LRRK1: variants seen among roughly 807,000 people sequenced by gnomAD.
LRRK1 encodes leucine rich repeat kinase 1, also known as leucine-rich repeat serine/threonine-protein kinase 1.
Under a neutral mutation model 209.1 loss-of-function variants are expected in LRRK1, and 113 were observed. That is an observed-to-expected ratio of 0.54 (90% CI 0.46 to 0.63). LRRK1 has a LOEUF of 0.63. Among genes scored for constraint, LRRK1 ranks in the 30% least tolerant of loss-of-function variants. The pLI is 0.00. For missense variants in LRRK1, 2,284 were observed against 2,632.2 expected (o/e 0.87, Z 2.89); for synonymous variants, 1,144 against 1,099.7 (o/e 1.04, Z -0.80).
At position 100,986,460 on chromosome 15, in the gene LRRK1, A is replaced by G. The variant is rs1474856914; in HGVS notation, c.434-2174A>G. On this transcript the variant is annotated intron_variant, in intron 4 of 33. Coordinates refer to ENST00000388948, the MANE Select transcript of LRRK1 (RefSeq NM_024652.6). ...GCAAGGTTTAAGTCTTGACCTTGCTATTTACTAACTGTGGGACCTTCAAGA... is the reference window on the plus strand; with the variant it reads ...GCAAGGTTTAAGTCTTGACCTTGCTGTTTACTAACTGTGGGACCTTCAAGA... 2.6e-5 allele frequency among the ~76,000 whole-genome samples: 4 copies of G among 152,272 alleles called. 1 individual carries two copies. The highest frequency in any genetic ancestry group is 3.4e-3 in the Middle Eastern group (1 of 294).
At position 101,021,070 on chromosome 15, in the gene LRRK1, C is replaced by T. The variant is rs55798315; in HGVS notation, c.1627C>T (p.Pro543Ser). 4.2e-3 allele frequency: 6,860 copies of T among 1,614,188 alleles called. 16 individuals carry two copies. Among genetic ancestry groups the T allele is most frequent in the Middle Eastern group, 0.023 (141 of 6,056 alleles). Residue 543 changes from proline to serine, a missense_variant, in exon 13 of 34, where the codon CCG (proline) becomes TCG (serine). Pro to Ser is a moderately conservative substitution (Grantham distance 74). Transcript: ENST00000388948. ...GTEAASVLEFPAFLSESLEVL... is the reference protein window; with the variant it reads ...GTEAASVLEFSAFLSESLEVL... The stretch of plus-strand genomic sequence containing the variant: ...CTTTGCAGCAAGTGTGCTGGAATTT[C>T]CGGCCTTCCTAAGTGAGTCTTTGGA...
At chr15:101,066,297 A>T in intron 32 of LRRK1, 92 bp downstream of exon 32, 1 of 1,470,234 alleles carries the variant, frequency 6.8e-7, no homozygotes. Context: ...GCTTCCTTAC[A>T]GGTCATGTGG....
At chr15:101,019,123 A>G (rs1038871199) in intron 12 of LRRK1, among the ~76,000 whole-genome samples, 1 of 152,198 alleles carries the variant, frequency 6.6e-6, no homozygotes, top group Admixed American at 6.5e-5. Flanking sequence ...CTCAGTGCCC[A>G]TCGTTTTCAA....
chr15:100,977,401 A>G (rs1359841465), intron 3 of LRRK1, among the ~76,000 whole-genome samples: 1 of 152,082 alleles, frequency 6.6e-6, no homozygotes, highest in Admixed American at 6.6e-5. Context: ...CAGGCACCCC[A>G]ATCATCCCCA....
At chr15:100,932,984 C>G (rs912324556) in intron 2 of LRRK1, among the ~76,000 whole-genome samples, 10 of 152,178 alleles carry the variant, frequency 6.6e-5, no homozygotes, top group Non-Finnish European at 1.3e-4. Context: ...AGAATCACCC[C>G]CTTCCCTGCT....
At chr15:100,952,608 G>GGA (rs1321430537) in intron 2 of LRRK1, among the ~76,000 whole-genome samples, 1 of 152,062 alleles carries the variant, frequency 6.6e-6, no homozygotes, top group African/African-American at 2.4e-5. Flanking sequence ...TCTTTGTGGG[G>GGA]CCCTTCTCAC....
rs371886622 is a variant in LRRK1 at position 100,945,476 on chromosome 15, G to T, written c.97+20747G>T. 1.1e-3 allele frequency among the ~76,000 whole-genome samples: 146 copies of T among 137,228 alleles called. 3 individuals are homozygous for T. Among genetic ancestry groups the T allele is most frequent in the African/African-American group, 3.8e-3 (143 of 37,494 alleles). The allele number at this position is 137,228 out of a possible 152,430, so 90.0% of individuals were successfully genotyped here. ...TACTTTTTTAAAAACTATCTCTGCA[G>T]AGCCTCTTTTTTTTTTTTTTTTTTT... On this transcript the variant is annotated intron_variant, in intron 2 of 33. Coordinates refer to ENST00000388948, the MANE Select transcript of LRRK1 (RefSeq NM_024652.6).
intron 2 of LRRK1, among the ~76,000 whole-genome samples, chr15:100,949,084 G>A (rs1283859310): frequency 6.6e-6 from 1 of 152,066 alleles, no homozygotes; most frequent in Non-Finnish European, 1.5e-5. Flanking sequence ...GAAATCAAAA[G>A]TTAGTTCTTT....
chr15:101,057,669 G>A (rs1326631018), intron 28 of LRRK1, among the ~76,000 whole-genome samples: 1 of 151,946 alleles, frequency 6.6e-6, no homozygotes, highest in Non-Finnish European at 1.5e-5. Flanking sequence ...CGCCCTGATC[G>A]CACCTGTGAG....
intron 4 of LRRK1, among the ~76,000 whole-genome samples, chr15:100,987,206 C>A (rs2168376): frequency 6.6e-6 from 1 of 151,706 alleles, no homozygotes; most frequent in South Asian, 2.1e-4. Context: ...AATACAGGGC[C>A]ATCCTGACCC....
chr15:100,999,496 G>A (rs1282472926), intron 6 of LRRK1, among the ~76,000 whole-genome samples: 5 of 152,158 alleles, frequency 3.3e-5, no homozygotes, highest in Admixed American at 3.3e-4. Flanking sequence ...TTTAGTTGTA[G>A]CTGATTAAAT....
chr15:100,934,817 A>C (rs2141601840), intron 2 of LRRK1, among the ~76,000 whole-genome samples: 1 of 151,376 alleles, frequency 6.6e-6, no homozygotes, highest in South Asian at 2.1e-4. Flanking sequence ...AAAAAAAAAA[A>C]AAAAAGGAAG....
intron 6 of LRRK1, among the ~76,000 whole-genome samples, chr15:101,000,617 T>C (rs542712314): frequency 6.6e-6 from 1 of 152,212 alleles, no homozygotes; most frequent in African/African-American, 2.4e-5. Flanking sequence ...TGCTGGGGAC[T>C]GCTGGTGGTC....
At position 101,027,419 on chromosome 15, in the gene LRRK1, T is replaced by C. The variant is rs989155517; in HGVS notation, c.2526+38T>C. On this transcript the variant is annotated intron_variant, in intron 18 of 33. Transcript: ENST00000388948. This position sits in a 1 kb window ranked among gnomAD's most constrained non-coding sequence, Gnocchi z 5.1. ...CTGGTCCAGTTTAAACCAGTCTGCC[T>C]GCTTCCCATTGTTGGGGGTCCTCAC... is the stretch of plus-strand genomic sequence containing the variant. The C allele has an allele frequency of 1.3e-5, 20 of 1,599,992 alleles. No individual in the cohort carries two copies. Among genetic ancestry groups the C allele is most frequent in the Non-Finnish European group, 1.6e-5 (19 of 1,173,050 alleles).
chr15:101,064,060 C>T (rs749731367), intron 31 of LRRK1, among the ~76,000 whole-genome samples: 31 of 152,244 alleles, frequency 2.0e-4, no homozygotes, highest in Non-Finnish European at 4.0e-4. Flanking sequence ...GCCGCCAGCG[C>T]GAAGCCTGCA....
chr15:101,026,115 G>C lies in LRRK1; in HGVS notation c.2383G>C (p.Asp795His). The change falls in exon 17 of 34, where the codon GAC (aspartate) becomes CAC (histidine). Residue 795 changes from aspartate (D) to histidine (H), a missense_variant. Around this residue, in one of 6 missense-constraint regions of LRRK1, gnomAD observed 780 missense variants for 985.2 expected, o/e 0.79. Coordinates refer to ENST00000388948, the MANE Select transcript of LRRK1 (RefSeq NM_024652.6). Reference protein sequence around the residue: ...PSGSRATGFPDITFKHLHEIS... With the variant: ...PSGSRATGFPHITFKHLHEIS... ...CGGCTCCAGGGCCACAGGCTTCCCA[G>C]ACATCACCTTCAAACACTTACAGTG... 1.9e-6 allele frequency: 3 copies of C among 1,614,260 alleles called. No individual in the cohort carries two copies. Among genetic ancestry groups the C allele is most frequent in the East Asian group, 2.2e-5 (1 of 44,888 alleles).
intron 2 of LRRK1, among the ~76,000 whole-genome samples, chr15:100,959,717 A>G (rs1298955551): frequency 6.6e-6 from 1 of 152,194 alleles, no homozygotes; most frequent in Non-Finnish European, 1.5e-5. Context: ...ATTGTGCAAT[A>G]TCTTTTATAT....
Position 101,051,955 on chromosome 15 carries a change from G to C in LRRK1, c.3684G>C (p.Pro1228=), listed in dbSNP as rs537117067. ...LVPELFMTDF[P]ARLFLENSKL... Reference sequence around the variant, plus strand: ...CTGAACTGTTCATGACCGACTTCCCGGCCAGGTATGCCCCGAAGGCCCCTC... The same window carrying C: ...CTGAACTGTTCATGACCGACTTCCCCGCCAGGTATGCCCCGAAGGCCCCTC... The change falls in exon 24 of 34, where the codon CCG becomes CCC. Residue 1228 remains proline (P), a synonymous_variant. Coordinates refer to ENST00000388948, the MANE Select transcript of LRRK1 (RefSeq NM_024652.6). The C allele has an allele frequency of 6.2e-7, 1 of 1,612,702 alleles. No homozygotes were observed. The highest frequency in any genetic ancestry group is 2.2e-5 in the East Asian group (1 of 44,872).
Position 100,932,079 on chromosome 15 carries a change from G to C in LRRK1, c.97+7350G>C, listed in dbSNP as rs946885833. Among the ~76,000 whole-genome samples the C allele has an allele frequency of 9.9e-5, 15 of 152,282 alleles. 1 individual carries two copies. The highest frequency in any genetic ancestry group is 3.1e-4 in the African/African-American group (13 of 41,558). On this transcript the variant is annotated intron_variant, in intron 2 of 33. Coordinates refer to ENST00000388948, the MANE Select transcript of LRRK1 (RefSeq NM_024652.6). The stretch of plus-strand genomic sequence containing the variant: ...CGGCTCACTGCAACCTCCACCTCCA[G>C]GGTTCAAGCGATTCTCCTGCCTCAG...
Sources: gnomAD v4.1 joint callset for allele counts (sites outside exome capture counted in the v4.1 genomes callset) on GRCh38, gnomAD v4.1.1 for gene constraint, gnomAD v4.1.1 regional missense constraint, Gnocchi (gnomAD v3.1) non-coding constraint, MANE v1.5 for transcripts, NCBI Gene and HGNC (gene_info 2026-07-23, HGNC 2026-07-21) for gene names.